HIF3A: variants seen among roughly 807,000 people sequenced by gnomAD.
The protein encoded by HIF3A is hypoxia inducible factor 3 subunit alpha.
Under a neutral mutation model 67.2 loss-of-function variants are expected in HIF3A, and 41 were observed. The observed-to-expected ratio is 0.61, with a 90% CI of 0.48 to 0.79. The LOEUF is 0.79. Among genes scored for constraint, HIF3A ranks in the 30% least tolerant of loss-of-function variants. HIF3A has a pLI of 0.00. For missense variants in HIF3A, 855 were observed against 898.0 expected (o/e 0.95, Z 0.61); for synonymous variants, 356 against 374.8 (o/e 0.95, Z 0.58).
intron 1 of HIF3A, among the ~76,000 whole-genome samples, chr19:46,299,734 G>GA (rs56032687): frequency 0.24 from 33,430 of 137,354 alleles, 4,577 homozygotes; most frequent in East Asian, 0.48. Flanking sequence ...TAGAAAAATA[G>GA]AAAAAAAAAA....
chr19:46,311,948 G>C, intron 6 of HIF3A: 1 of 749,668 alleles, frequency 1.3e-6, no homozygotes. Flanking sequence ...CATATCTACA[G>C]ATTCCGGGAA....
At chr19:46,308,176 G>T (rs770120086) in intron 3 of HIF3A, 45 bp from the exon 4 acceptor site, 1 of 1,230,460 alleles carries the variant, frequency 8.1e-7, no homozygotes, top group Non-Finnish European at 1.2e-6. Context: ...TGGAGGAGAT[G>T]GGTCAGAAGC....
At position 46,317,444 on chromosome 19, in the gene HIF3A, G is replaced by A. The variant is rs534325490; in HGVS notation, c.1026-2999G>A. On this transcript the variant is annotated intron_variant, in intron 8 of 14. Coordinates refer to ENST00000377670, the MANE Select transcript of HIF3A (RefSeq NM_152795.4). ...CTCAGGAGAAAAGCCAAGGGCGTTGGTGTGGTTCACCAGGCCCTGTGAAGC... is the reference window on the plus strand; with the variant it reads ...CTCAGGAGAAAAGCCAAGGGCGTTGATGTGGTTCACCAGGCCCTGTGAAGC... Among the ~76,000 whole-genome samples, 31 of 152,196 alleles carry A rather than the reference G, an allele frequency of 2.0e-4. No individual in the cohort carries two copies. In the South Asian group the frequency reaches 5.8e-3, roughly 29 times the overall value.
Position 46,329,334 on chromosome 19 carries a change from G to A in HIF3A, c.1568G>A (p.Arg523His), listed in dbSNP as rs747523164. ...CCTCTGGGGGCTGTCCCCCGGCCCC[G>A]TGCTCGGAGCTTCCATGGCCTGTCA... ...HRPLGAVPRPRARSFHGLSPP... is the reference protein window; with the variant it reads ...HRPLGAVPRPHARSFHGLSPP... The change falls in exon 12 of 15, where the codon CGT becomes CAT. Residue 523 changes from arginine to histidine, a missense_variant. Arg to His is a conservative substitution (Grantham distance 29). Coordinates refer to ENST00000377670, the MANE Select transcript of HIF3A (RefSeq NM_152795.4). The A allele has an allele frequency of 6.0e-5, 96 of 1,613,030 alleles. No homozygotes were observed. Among genetic ancestry groups the A allele is most frequent in the Non-Finnish European group, 7.0e-5 (83 of 1,179,890 alleles).
At chr19:46,304,135 C>T (rs781015034) in intron 2 of HIF3A, 47 bp downstream of exon 2, 4 of 1,490,960 alleles carry the variant, frequency 2.7e-6, no homozygotes, top group South Asian at 2.4e-5. Context: ...GCCCCGCCCA[C>T]GGAAAAAAAC....
In HIF3A at chr19:46,304,282, G is replaced by A. The variant is rs1265154531; in HGVS notation, c.217+194G>A. The A allele has an allele frequency of 5.0e-6, 3 of 596,660 alleles. No homozygotes were observed. In the Admixed American group the frequency reaches 8.9e-5, roughly 18 times the overall value. 37.0% of individuals were successfully genotyped at this position (596,660 alleles called of 1,614,324 possible). A position where few individuals can be genotyped will look rare whatever the true frequency, so the allele number is the denominator to read the frequency against. On this transcript the variant is annotated intron_variant, in intron 2 of 14. Transcript: ENST00000377670. ...AGGCCCCGCCCCCTTTGAGTTCCTG[G>A]CCTGCTGGGAGTCCCGCCCCCCTCG...
At position 46,315,598 on chromosome 19, in the gene HIF3A, T is replaced by C. The variant is rs117288672; in HGVS notation, c.1025+2945T>C. Among the ~76,000 whole-genome samples, 411 of 152,248 alleles carry C rather than the reference T, an allele frequency of 2.7e-3. 3 individuals carry two copies. The highest frequency in any genetic ancestry group is 0.01 in the East Asian group (54 of 5,166). ...CTAGGATTGGAATGGATAGGTTATA[T>C]AGTAACTGTATATTTAATCTAAGAA... is the stretch of plus-strand genomic sequence containing the variant. On this transcript the variant is annotated intron_variant, in intron 8 of 14. Coordinates refer to ENST00000377670, the MANE Select transcript of HIF3A (RefSeq NM_152795.4).
intron 6 of HIF3A, chr19:46,310,837 A>C (rs1054941892): frequency 6.6e-4 from 178 of 267,752 alleles, no homozygotes; most frequent in Non-Finnish European, 1.0e-3. Flanking sequence ...TGCAACGTCC[A>C]CCTCCCGGGT....
intron 8 of HIF3A, among the ~76,000 whole-genome samples, chr19:46,317,688 G>T (rs1373976752): frequency 1.3e-5 from 2 of 151,928 alleles, no homozygotes; most frequent in Non-Finnish European, 2.9e-5. Context: ...TTCTCTCCTG[G>T]TGTCCTGTAC....
intron 6 of HIF3A, 102 bp downstream of exon 6, chr19:46,309,461 CACTT>C (rs1969234716): frequency 1.5e-6 from 1 of 688,614 alleles, no homozygotes; most frequent in Admixed American, 2.9e-5. Flanking sequence ...CTCTCTCTCT[CACTT>C]CATCCATCTC....
At chr19:46,308,058 C>T (rs780492872) in intron 3 of HIF3A, among the ~76,000 whole-genome samples, 163 bp from the exon 4 acceptor site, 2 of 152,094 alleles carry the variant, frequency 1.3e-5, no homozygotes, top group Non-Finnish European at 2.9e-5. Context: ...TAAATGCTTG[C>T]TCAGTGGGTG....
intron 10 of HIF3A, 96 bp from the exon 11 acceptor site, chr19:46,325,439 T>C: frequency 3.6e-6 from 3 of 835,828 alleles, no homozygotes; most frequent in Non-Finnish European, 3.9e-6. Context: ...TGCCTGGCAT[T>C]TGATCCCCAC....
intron 10 of HIF3A, among the ~76,000 whole-genome samples, chr19:46,323,429 A>C (rs1970532932): frequency 6.6e-6 from 1 of 152,142 alleles, no homozygotes; most frequent in Non-Finnish European, 1.5e-5. Flanking sequence ...AAACGAGGGC[A>C]GAAGAAGGCT....
chr19:46,308,737 C>G lies in HIF3A; in HGVS notation c.523C>G (p.Arg175Gly), dbSNP rs568443364. ...GCGCATGAAGAGTACACTCACCAGC[C>G]GCGGGCGCACCCTCAACCTCAAGGC... ...SLRMKSTLTS[R>G]GRTLNLKAAT... is the part of the protein sequence containing the mutation. The change falls in exon 5 of 15, where the codon CGC (arginine) becomes GGC (glycine). Residue 175 changes from arginine (R) to glycine (G), a missense_variant. This residue lies in a region of HIF3A where 638 missense variants were observed against 660.5 expected (regional missense o/e 0.97). Coordinates refer to ENST00000377670, the MANE Select transcript of HIF3A (RefSeq NM_152795.4). The G allele has an allele frequency of 1.2e-6, 2 of 1,610,188 alleles. No homozygotes were observed. Among genetic ancestry groups the G allele is most frequent in the Non-Finnish European group, 1.7e-6 (2 of 1,178,358 alleles).
At chr19:46,303,558 T>A in intron 1 of HIF3A, 2 of 1,476,492 alleles carry the variant, frequency 1.4e-6, no homozygotes, top group Non-Finnish European at 1.8e-6. Context: ...GCAGGGGCCC[T>A]CCCTGTCCCC....
rs911159953 is a variant in HIF3A at position 46,309,153 on chromosome 19, G to A, written c.564G>A (p.Val188=). ...TLNLKAATWK[V]LNCSGHMRAY... ...TGTCCCCTCATCTCGGCCCCCAGGT[G>A]CTGAACTGCTCTGGACATATGAGGG... Residue 188 remains valine, a splice_region_variant and synonymous_variant, in exon 6 of 15, where the codon GTG becomes GTA. Transcript: ENST00000377670. The A allele has an allele frequency of 3.7e-6, 6 of 1,613,056 alleles. No homozygotes were observed. In the African/African-American group the frequency reaches 6.7e-5, roughly 18 times the overall value.
intron 14 of HIF3A, 80 bp downstream of exon 14, chr19:46,335,066 G>C (rs1971510094): frequency 1.8e-6 from 2 of 1,098,384 alleles, no homozygotes; most frequent in Non-Finnish European, 2.6e-6. Flanking sequence ...CCATTCCAAA[G>C]GTGCTGGGGG....
At position 46,325,529 on chromosome 19, in the gene HIF3A, C is replaced by T; in HGVS notation, c.1336-6C>T. 1 of 1,606,780 alleles carries T rather than the reference C, an allele frequency of 6.2e-7. No individual in the cohort carries two copies. Among genetic ancestry groups the T allele is most frequent in the South Asian group, 1.1e-5 (1 of 90,920 alleles). ...TTCCTGAAGTTTCTACTCCATCTCT[C>T]CACAGGCTGATCTCCCAGATGAACT... is the stretch of plus-strand genomic sequence containing the variant. On this transcript the variant is annotated splice_region_variant and splice_polypyrimidine_tract_variant and intron_variant, in intron 10 of 14. Transcript: ENST00000377670.
intron 1 of HIF3A, chr19:46,298,504 C>T: frequency 3.9e-6 from 5 of 1,281,412 alleles, no homozygotes; most frequent in Non-Finnish European, 5.1e-6. Flanking sequence ...CCAACGGGGG[C>T]CTGGGCGATG....
Sources: gnomAD v4.1 joint callset for allele counts (sites outside exome capture counted in the v4.1 genomes callset) on GRCh38, gnomAD v4.1.1 for gene constraint, gnomAD v4.1.1 regional missense constraint, MANE v1.5 for transcripts, NCBI Gene and HGNC (gene_info 2026-07-23, HGNC 2026-07-21) for gene names.